The following PHRF1 variants were observed in gnomAD, a reference collection of about 807,000 sequenced individuals.
The protein encoded by PHRF1 is PHD and RING finger domain-containing protein 1.
Under a neutral mutation model 128.9 loss-of-function variants are expected in PHRF1, and 53 were observed. That is an observed-to-expected ratio of 0.41 (90% CI 0.33 to 0.52). PHRF1 has a LOEUF of 0.52. Ranked by LOEUF, PHRF1 falls within the 20% of genes least tolerant of loss-of-function variation. The probability of loss-of-function intolerance (pLI) is 0.21; values close to 1 mark genes in which losing one functional copy is unlikely to be tolerated. For missense variants in PHRF1, 2,503 were observed against 2,284.5 expected (o/e 1.10, Z -1.95); for synonymous variants, 1,178 against 980.6 (o/e 1.20, Z -3.76).
In PHRF1 at chr11:582,000, G is replaced by A. The variant is rs1419741372; in HGVS notation, c.133G>A (p.Asp45Asn). The change falls in exon 3 of 18, where the codon GAC becomes AAC. Residue 45 changes from aspartate to asparagine, a missense_variant. Coordinates refer to ENST00000264555, the MANE Select transcript of PHRF1 (RefSeq NM_001286581.2). Reference sequence around the variant, plus strand: ...GGGCAGCAGTGGGGACTCTGGGGACGACAGTGACAGCGAGCATGGAGATGG... The same window carrying A: ...GGGCAGCAGTGGGGACTCTGGGGACAACAGTGACAGCGAGCATGGAGATGG... ...SVGSSGDSGD[D>N]SDSEHGDGTD... 9 of 1,607,752 alleles carry A rather than the reference G, an allele frequency of 5.6e-6. No homozygotes were observed. The highest frequency in any genetic ancestry group is 1.1e-5 in the South Asian group (1 of 89,460).
At position 607,241 on chromosome 11, in the gene PHRF1, C is replaced by T. The variant is rs778904479; in HGVS notation, c.1785C>T (p.Thr595=). 4.6e-5 allele frequency: 74 copies of T among 1,612,424 alleles called. No individual in the cohort carries two copies. The Middle Eastern group carries it at 8.3e-4, about 18-fold the overall frequency. Residue 595 remains threonine, a synonymous_variant, in exon 14 of 18, where the codon ACC becomes ACT. Coordinates refer to ENST00000264555, the MANE Select transcript of PHRF1 (RefSeq NM_001286581.2). The stretch of plus-strand genomic sequence containing the variant: ...GCAGGTCCCGCACCCCCGCCCGCAC[C>T]GCGGGGGCGCCTGTGAGGCTGGACT... ...CQGRSRTPAR[T]AGAPVRLDLP...
At chr11:605,831 C>T (rs567701377) in intron 12 of PHRF1, 107 bp downstream of exon 12, 7 of 1,430,902 alleles carry the variant, frequency 4.9e-6, no homozygotes, top group African/African-American at 4.3e-5. Context: ...CCCTGGGTGG[C>T]GTCAGCACCT....
rs373198734 is a variant in PHRF1 at position 586,783 on chromosome 11, A to T, written c.215-476A>T. ...CTCCCACAGGGAGGAGGAACAGGCAACCTCAGAAGGAAGTCCCTTCCGCGG... is the reference window on the plus strand; with the variant it reads ...CTCCCACAGGGAGGAGGAACAGGCATCCTCAGAAGGAAGTCCCTTCCGCGG... On this transcript the variant is annotated intron_variant, in intron 3 of 17. Transcript: ENST00000264555. 7.9e-5 allele frequency among the ~76,000 whole-genome samples: 12 copies of T among 152,176 alleles called. No individual in the cohort carries two copies. In the East Asian group the frequency reaches 2.1e-3, roughly 27 times the overall value.
chr11:606,538 G>A lies in PHRF1; in HGVS notation c.1551G>A (p.Met517Ile), dbSNP rs1855953185. ...TCCTGTCGGGCCAGAGCCTCCTGAT[G>A]CTGGGCAGCAGTGATGTCATCATCC... Reference protein sequence around the residue: ...GSILSGQSLLMLGSSDVIIHR... With the variant: ...GSILSGQSLLILGSSDVIIHR... Residue 517 changes from methionine to isoleucine, a missense_variant, in exon 13 of 18, where the codon ATG becomes ATA. Met to Ile is a conservative substitution (Grantham distance 10). Transcript: ENST00000264555. The A allele has an allele frequency of 6.2e-7, 1 of 1,610,750 alleles. No individual in the cohort carries two copies. Among genetic ancestry groups the A allele is most frequent in the Non-Finnish European group, 8.5e-7 (1 of 1,179,688 alleles).
chr11:585,880 G>A (rs993350472), intron 3 of PHRF1, among the ~76,000 whole-genome samples: 36 of 151,384 alleles, frequency 2.4e-4, no homozygotes, highest in African/African-American at 8.7e-4. Flanking sequence ...ATTTATTTTT[G>A]AGACGGAGTC....
Position 610,650 on chromosome 11 carries a change from C to G in PHRF1, c.4566C>G (p.Pro1522=). Residue 1522 remains proline, a synonymous_variant, in exon 16 of 18, where the codon CCC becomes CCG. Transcript: ENST00000264555. ...CAGCACAGACCCTGGCCCCAGTGCC[C>G]GCTGCCCTGACCCCAGCCTCAGAGC... ...CGAAQTLAPV[P]AALTPASEPA... 1.9e-6 allele frequency: 3 copies of G among 1,604,430 alleles called. No individual in the cohort carries two copies. Among genetic ancestry groups the G allele is most frequent in the Admixed American group, 1.7e-5 (1 of 60,006 alleles).
chr11:605,586 C>A lies in PHRF1; in HGVS notation c.1335-19C>A. 6.2e-7 allele frequency: 1 copy of A among 1,611,354 alleles called. No individual in the cohort carries two copies. The highest frequency in any genetic ancestry group is 1.1e-5 in the South Asian group (1 of 90,690). On this transcript the variant is annotated intron_variant, in intron 11 of 17. Coordinates refer to ENST00000264555, the MANE Select transcript of PHRF1 (RefSeq NM_001286581.2). ...GCTGGGAGTCACTTGTTCCCTTTGGCCTGTGTCCTCCCCTCTAGCAGTGAA... is the reference window on the plus strand; with the variant it reads ...GCTGGGAGTCACTTGTTCCCTTTGGACTGTGTCCTCCCCTCTAGCAGTGAA...
chr11:601,610 C>T lies in PHRF1; in HGVS notation c.1061C>T (p.Pro354Leu), dbSNP rs190917929. The change falls in exon 10 of 18, where the codon CCG (proline) becomes CTG (leucine). Residue 354 changes from proline to leucine, a missense_variant. Transcript: ENST00000264555. ...AAAGTGCCGGGAAGAAAGAAAACCC[C>T]GTCCGGACCATCCGCAAAAAGTAAG... is the stretch of plus-strand genomic sequence containing the variant. ...RKKVPGRKKT[P>L]SGPSAKSKSS... 1.9e-4 allele frequency: 299 copies of T among 1,613,672 alleles called. No homozygotes were observed. Among genetic ancestry groups the T allele is most frequent in the African/African-American group, 5.7e-4 (43 of 74,968 alleles).
rs758603520 is a variant in PHRF1 at position 607,371 on chromosome 11, A to G, written c.1915A>G (p.Thr639Ala). The change falls in exon 14 of 18, where the codon ACC (threonine) becomes GCC (alanine). Residue 639 changes from threonine to alanine, a missense_variant. By Grantham distance (58) the Thr-to-Ala change is moderately conservative. Coordinates refer to ENST00000264555, the MANE Select transcript of PHRF1 (RefSeq NM_001286581.2). ...SPWFNGTNKH[T>A]LPLASAASKI... Reference sequence around the variant, plus strand: ...CTGGTTCAACGGCACCAACAAGCACACCTTGCCCCTTGCCTCTGCCGCGTC... The same window carrying G: ...CTGGTTCAACGGCACCAACAAGCACGCCTTGCCCCTTGCCTCTGCCGCGTC... 8 of 1,612,598 alleles carry G rather than the reference A, an allele frequency of 5.0e-6. No individual in the cohort carries two copies. The African/African-American group carries it at 9.3e-5, about 19-fold the overall frequency.
chr11:607,250 G>A lies in PHRF1; in HGVS notation c.1794G>A (p.Ala598=), dbSNP rs368384146. Residue 598 remains alanine, a synonymous_variant, in exon 14 of 18, where the codon GCG becomes GCA. Coordinates refer to ENST00000264555, the MANE Select transcript of PHRF1 (RefSeq NM_001286581.2). ...RSRTPARTAG[A]PVRLDLPAAP... ...GCACCCCCGCCCGCACCGCGGGGGC[G>A]CCTGTGAGGCTGGACTTGCCAGCAG... The A allele has an allele frequency of 4.9e-4, 790 of 1,612,362 alleles. No individual in the cohort carries two copies. The highest frequency in any genetic ancestry group is 6.4e-4 in the Non-Finnish European group (757 of 1,179,782).
chr11:595,080 CAGT>C (rs1197697187), intron 6 of PHRF1, among the ~76,000 whole-genome samples: 2 of 152,178 alleles, frequency 1.3e-5, no homozygotes, highest in African/African-American at 4.8e-5. Context: ...AATGGAATCA[CAGT>C]AGGCCGAGGC....
At position 605,131 on chromosome 11, in the gene PHRF1, A is replaced by G; in HGVS notation, c.1165A>G (p.Thr389Ala). Residue 389 changes from threonine (T) to alanine (A), a missense_variant, in exon 11 of 18, where the codon ACT becomes GCT. Thr to Ala is a moderately conservative substitution (Grantham distance 58). Coordinates refer to ENST00000264555, the MANE Select transcript of PHRF1 (RefSeq NM_001286581.2). ...TTACTGGATTCAGAGTGAAGCCACC[A>G]CTCGCTCTCGAATCGCGCGGACGCT... ...RGKKVKSEATTRSRIARTLGL... is the reference protein window; with the variant it reads ...RGKKVKSEATARSRIARTLGL... 6.2e-7 allele frequency: 1 copy of G among 1,609,114 alleles called. No homozygotes were observed. Among genetic ancestry groups the G allele is most frequent in the Non-Finnish European group, 8.5e-7 (1 of 1,176,308 alleles).
In PHRF1 at chr11:607,543, C is replaced by T. The variant is rs530287137; in HGVS notation, c.2087C>T (p.Ala696Val). The T allele has an allele frequency of 2.7e-5, 43 of 1,612,606 alleles. No homozygotes were observed. Among genetic ancestry groups the T allele is most frequent in the East Asian group, 4.5e-5 (2 of 44,872 alleles). ...GATGACGGTGGTGGCAGACGGGATG[C>T]GGCCCCGGCCCACGGGCAGAGCATT... The part of the protein sequence containing the change: ...RRDDGGGRRD[A>V]APAHGQSIEI... Residue 696 changes from alanine to valine, a missense_variant, in exon 14 of 18, where the codon GCG becomes GTG. By Grantham distance (64) the Ala-to-Val change is moderately conservative (BLOSUM62 0). Transcript: ENST00000264555.
rs1286870365 is a variant in PHRF1, at chr11:610,184, T to C, written c.4265-12T>C. On this transcript the variant is annotated splice_polypyrimidine_tract_variant and intron_variant, in intron 14 of 17. Coordinates refer to ENST00000264555, the MANE Select transcript of PHRF1 (RefSeq NM_001286581.2). ...CACAGAGCACCCACCTCCCTGTCTG[T>C]CGGGCCCCCAGGGGCACCACTTCAC... The C allele has an allele frequency of 6.7e-7, 1 of 1,496,238 alleles. No homozygotes were observed. Among genetic ancestry groups the C allele is most frequent in the South Asian group, 1.3e-5 (1 of 77,226 alleles). 92.7% of individuals were successfully genotyped at this position (1,496,238 alleles called of 1,614,324 possible).
rs1189332857 is a variant in PHRF1, at chr11:609,571, C to T, written c.4115C>T (p.Pro1372Leu). 1 of 1,598,862 alleles carries T rather than the reference C, an allele frequency of 6.3e-7. No homozygotes were observed. Among genetic ancestry groups the T allele is most frequent in the Admixed American group, 1.7e-5 (1 of 57,960 alleles). ...DVAPAGKEDS[P>L]SASGRVQEAA... is the part of the protein sequence containing the mutation. ...GCGCCTGCGGGGAAGGAAGACAGCC[C>T]CTCTGCGAGTGGGAGGGTACAGGAG... The change falls in exon 14 of 18, where the codon CCC becomes CTC. Residue 1372 changes from proline (P) to leucine (L), a missense_variant. Coordinates refer to ENST00000264555, the MANE Select transcript of PHRF1 (RefSeq NM_001286581.2).
In PHRF1 at chr11:609,492, T is replaced by G; in HGVS notation, c.4036T>G (p.Leu1346Val). The G allele has an allele frequency of 6.2e-7, 1 of 1,604,816 alleles. No homozygotes were observed. Among genetic ancestry groups the G allele is most frequent in the South Asian group, 1.1e-5 (1 of 90,752 alleles). The change falls in exon 14 of 18, where the codon TTG becomes GTG. Residue 1346 changes from leucine to valine, a missense_variant. Transcript: ENST00000264555. The stretch of plus-strand genomic sequence containing the variant: ...GCCAGAGGGCACCCAGGAGCCACAT[T>G]TGCTCAGGCCGGACGCGGCTGAGAA... The part of the protein sequence containing the change: ...PLPEGTQEPH[L>V]LRPDAAEKAE...
intron 13 of PHRF1, 59 bp downstream of exon 13, chr11:606,655 C>G: frequency 6.5e-7 from 1 of 1,537,846 alleles, no homozygotes. Context: ...TCAGGCTGTT[C>G]GCAAGCACTC....
chr11:602,575 G>C (rs917474357), intron 10 of PHRF1, among the ~76,000 whole-genome samples: 1 of 151,848 alleles, frequency 6.6e-6, no homozygotes, highest in Non-Finnish European at 1.5e-5. Context: ...CCAGCCTCAG[G>C]AGGCTGAGGC....
At chr11:582,573 T>TG (rs1243124911) in intron 3 of PHRF1, among the ~76,000 whole-genome samples, 5 of 151,656 alleles carry the variant, frequency 3.3e-5, no homozygotes, top group African/African-American at 1.2e-4. Flanking sequence ...TCGCCCAGGC[T>TG]GAGTGCAGTG....
Sources: allele counts gnomAD v4.1 joint callset (sites outside exome capture counted in the v4.1 genomes callset), GRCh38; gene constraint gnomAD v4.1.1; transcripts MANE v1.5; gene names NCBI Gene and HGNC (gene_info 2026-07-23, HGNC 2026-07-21).